ZNF385D: variants seen among roughly 807,000 people sequenced by gnomAD.
ZNF385D encodes the protein zinc finger protein 385D.
A neutral mutation model predicts 35.8 loss-of-function variants in ZNF385D; 15 were observed. The ratio of observed to expected loss-of-function variants is 0.42; its 90% CI spans 0.28 to 0.64. The LOEUF is 0.64. Among genes scored for constraint, ZNF385D ranks in the 30% least tolerant of loss-of-function variants. ZNF385D has a pLI of 0.23. For missense variants in ZNF385D, 474 were observed against 494.6 expected (o/e 0.96, Z 0.39); for synonymous variants, 212 against 186.8 (o/e 1.13, Z -1.10).
intron 3 of ZNF385D, among the ~76,000 whole-genome samples, chr3:22,165,859 A>G (rs1706281479): frequency 6.6e-6 from 1 of 152,200 alleles, no homozygotes; most frequent in South Asian, 2.1e-4. Context: ...AAGGATTACT[A>G]CAGAATTTTC....
At chr3:22,031,117 G>A (rs935447477) in intron 3 of ZNF385D, among the ~76,000 whole-genome samples, 1 of 152,156 alleles carries the variant, frequency 6.6e-6, no homozygotes, top group South Asian at 2.1e-4. Flanking sequence ...ATTCAGCCAC[G>A]TGGCTGCTTT....
At chr3:21,786,759 T>C (rs983875863) in intron 3 of ZNF385D, among the ~76,000 whole-genome samples, 7 of 152,300 alleles carry the variant, frequency 4.6e-5, no homozygotes, top group Admixed American at 2.0e-4. Flanking sequence ...GCCATGTCCG[T>C]GAACATATGC....
intron 1 of ZNF385D, among the ~76,000 whole-genome samples, chr3:21,726,759 T>C (rs1001221546): frequency 7.2e-5 from 11 of 152,166 alleles, no homozygotes; most frequent in Non-Finnish European, 1.6e-4. Context: ...AAGTGGTTTA[T>C]AGAGTTAATG....
At chr3:21,540,569 T>C (rs1181983311) in intron 3 of ZNF385D, among the ~76,000 whole-genome samples, 1 of 152,158 alleles carries the variant, frequency 6.6e-6, no homozygotes, top group Non-Finnish European at 1.5e-5. Flanking sequence ...ATAAAACCTG[T>C]TCAGAGACTA....
chr3:21,860,315 C>T (rs980830241), intron 3 of ZNF385D, among the ~76,000 whole-genome samples: 3 of 152,084 alleles, frequency 2.0e-5, no homozygotes, highest in African/African-American at 7.2e-5. Context: ...ATGGGTGGGA[C>T]TGCATTACTA....
intron 2 of ZNF385D, among the ~76,000 whole-genome samples, chr3:21,595,995 A>G (rs1444745867): frequency 1.3e-5 from 2 of 152,252 alleles, no homozygotes. Flanking sequence ...TAGAAGCACA[A>G]GTATCAATGC....
intron 1 of ZNF385D, among the ~76,000 whole-genome samples, chr3:21,698,330 G>A (rs2067544091): frequency 6.8e-6 from 1 of 146,802 alleles, no homozygotes; most frequent in Non-Finnish European, 1.5e-5. Context: ...ATTATCCAAA[G>A]TGCAATGACT....
chr3:21,559,227 T>A (rs903427067), intron 3 of ZNF385D, among the ~76,000 whole-genome samples: 1 of 152,122 alleles, frequency 6.6e-6, no homozygotes, highest in African/African-American at 2.4e-5. Flanking sequence ...AGTTGGTTAT[T>A]TTGTCTTAGT....
At position 21,944,430 on chromosome 3, in the gene ZNF385D, A is replaced by G. The variant is rs144295831; in HGVS notation, c.325+224387T>C. Reference sequence around the variant, plus strand: ...ATGATTCAACTTTGTCCGAGCACCAATATATTAGAAACAATGCGAAAACTC... The same window carrying G: ...ATGATTCAACTTTGTCCGAGCACCAGTATATTAGAAACAATGCGAAAACTC... On this transcript the variant is annotated intron_variant, in intron 3 of 5. Transcript: ENST00000494108. Among the ~76,000 whole-genome samples, 287 of 152,282 alleles carry G rather than the reference A, an allele frequency of 1.9e-3. 1 individual carries two copies. The highest frequency in any genetic ancestry group is 6.6e-3 in the African/African-American group (276 of 41,548).
intron 3 of ZNF385D, among the ~76,000 whole-genome samples, chr3:21,517,249 T>C (rs988824397): frequency 5.3e-5 from 8 of 152,110 alleles, no homozygotes. Flanking sequence ...TAGCACCTGC[T>C]GTGTCCAGAC....
At chr3:21,732,117 C>A (rs529397695) in intron 1 of ZNF385D, among the ~76,000 whole-genome samples, 1 of 134,368 alleles carries the variant, frequency 7.4e-6, no homozygotes, top group African/African-American at 2.8e-5. Flanking sequence ...TGCAGTGGCG[C>A]GAGCTCACTG....
At chr3:21,677,758 T>C (rs1479843255) in intron 1 of ZNF385D, among the ~76,000 whole-genome samples, 1 of 152,054 alleles carries the variant, frequency 6.6e-6, no homozygotes, top group Non-Finnish European at 1.5e-5. Context: ...GTAGTTCATA[T>C]ATACATAGGC....
intron 3 of ZNF385D, among the ~76,000 whole-genome samples, chr3:21,845,761 G>A (rs750439952): frequency 2.6e-5 from 4 of 151,954 alleles, no homozygotes; most frequent in East Asian, 1.9e-4. Flanking sequence ...TGCGATTTTC[G>A]TGGTTAATGA....
At chr3:21,586,686 C>A (rs908568678) in intron 2 of ZNF385D, among the ~76,000 whole-genome samples, 2 of 152,174 alleles carry the variant, frequency 1.3e-5, no homozygotes, top group African/African-American at 4.8e-5. Flanking sequence ...ATGCTGTCTA[C>A]ATGGACAGAA....
intron 1 of ZNF385D, among the ~76,000 whole-genome samples, chr3:21,698,347 C>G (rs2067544893): frequency 6.6e-6 from 1 of 152,020 alleles, no homozygotes; most frequent in Admixed American, 6.6e-5. Context: ...GACTCAGAAA[C>G]AGAAAATTAA....
chr3:22,357,964 T>C (rs1245514008), intron 2 of ZNF385D, among the ~76,000 whole-genome samples: 12 of 151,884 alleles, frequency 7.9e-5, no homozygotes, highest in African/African-American at 2.7e-4. Flanking sequence ...ATATGCTATA[T>C]TTTAAATGGT....
intron 3 of ZNF385D, among the ~76,000 whole-genome samples, chr3:22,075,143 C>G (rs986299499): frequency 3.5e-4 from 53 of 152,024 alleles, no homozygotes; most frequent in African/African-American, 1.2e-3. Flanking sequence ...CTTTCTAAAT[C>G]TTTCCAAAAG....
In ZNF385D at chr3:21,472,998, T is replaced by C. The variant is rs145744326; in HGVS notation, c.440-35795A>G. Among the ~76,000 whole-genome samples, 403 of 152,240 alleles carry C rather than the reference T, an allele frequency of 2.6e-3. 2 individuals carry two copies. Among genetic ancestry groups the C allele is most frequent in the African/African-American group, 9.1e-3 (379 of 41,564 alleles). On this transcript the variant is annotated intron_variant, in intron 4 of 7. Coordinates refer to ENST00000281523, the MANE Select transcript of ZNF385D (RefSeq NM_024697.3). ...ATTTTAAATCTACTCACCACTTCTA[T>C]TCCCACACTGTTCCAAGTCACCATC...
intron 3 of ZNF385D, among the ~76,000 whole-genome samples, chr3:21,867,962 T>C (rs183912031): frequency 6.6e-6 from 1 of 152,132 alleles, no homozygotes; most frequent in Non-Finnish European, 1.5e-5. Context: ...GTGGCCACTA[T>C]ATTGACCAGT....
Sources: allele counts gnomAD v4.1 joint callset (sites outside exome capture counted in the v4.1 genomes callset), GRCh38; gene constraint gnomAD v4.1.1; transcripts MANE v1.5; gene names NCBI Gene and HGNC (gene_info 2026-07-23, HGNC 2026-07-21).